Variants in CAPN2 observed in about 807,000 individuals in gnomAD.
CAPN2 encodes calpain-2 catalytic subunit.
In CAPN2, 92 loss-of-function variants were observed where a neutral mutation model predicts 102.3. That is an observed-to-expected ratio of 0.90 (90% CI 0.76 to 1.07). The LOEUF (loss-of-function observed/expected upper bound fraction) is 1.07, where lower values mean the gene tolerates loss of function less well. Among genes scored for constraint, CAPN2 ranks in the 50% least tolerant of loss-of-function variants. The pLI is 0.00. For missense variants in CAPN2, 800 were observed against 909.4 expected (o/e 0.88, Z 1.55); for synonymous variants, 340 against 355.4 (o/e 0.96, Z 0.49).
chr1:223,735,968 C>T (rs1036631484), intron 2 of CAPN2, among the ~76,000 whole-genome samples: 3 of 152,098 alleles, frequency 2.0e-5, no homozygotes, highest in East Asian at 3.9e-4. Flanking sequence ...TTAGTAGTGA[C>T]GGGGTTTCAC....
intron 2 of CAPN2, among the ~76,000 whole-genome samples, chr1:223,740,150 G>C (rs1328142749): frequency 2.0e-5 from 3 of 152,194 alleles, no homozygotes; most frequent in Admixed American, 6.5e-5. Context: ...CAGGCTTCTT[G>C]TTGGGAGGAA....
chr1:223,731,716 C>G lies in CAPN2; in HGVS notation c.308-12384C>G, dbSNP rs959425272. ...ACATGTCCTCCAGAGTTGACTTACG[C>G]GAGGACAGAGGTGTGCAGAGGCACG... On this transcript the variant is annotated intron_variant, in intron 2 of 20. Coordinates refer to ENST00000295006, the MANE Select transcript of CAPN2 (RefSeq NM_001748.5). The surrounding 1 kb of genome is among the most constrained non-coding windows in gnomAD (Gnocchi z 4.2). 6.6e-6 allele frequency among the ~76,000 whole-genome samples: 1 copy of G among 152,136 alleles called. No homozygotes were observed.
Position 223,757,475 on chromosome 1 carries a change from G to A in CAPN2, c.1317+95G>A, listed in dbSNP as rs1571812129. The A allele has an allele frequency of 2.9e-6, 4 of 1,403,392 alleles. No individual in the cohort carries two copies. The East Asian group carries it at 9.1e-5, about 32-fold the overall frequency. The allele number at this position is 1,403,392 out of a possible 1,614,324, so 86.9% of individuals were successfully genotyped here. On this transcript the variant is annotated intron_variant, in intron 11 of 20. Coordinates refer to ENST00000295006, the MANE Select transcript of CAPN2 (RefSeq NM_001748.5). ...AGGGAGCGTCGTGAAGCCCGGGCAG[G>A]GGCTGGTGGTCATGAAGGATGAGTC... is the stretch of plus-strand genomic sequence containing the variant.
chr1:223,772,439 A>G (rs1389630834), intron 20 of CAPN2, 200 bp downstream of exon 20: 1 of 548,976 alleles, frequency 1.8e-6, no homozygotes, highest in Non-Finnish European at 3.3e-6. Context: ...TCTCAAGTCC[A>G]AAATGCACGC....
chr1:223,721,996 G>C (rs1350338637), intron 2 of CAPN2, among the ~76,000 whole-genome samples: 1 of 152,168 alleles, frequency 6.6e-6, no homozygotes, highest in Non-Finnish European at 1.5e-5. Flanking sequence ...AAGAAAAAGA[G>C]GATGGTGGAG....
In CAPN2 at chr1:223,775,632, A is replaced by C. The variant is rs935030449; in HGVS notation, c.*775A>C. 1 of 152,644 alleles carries C rather than the reference A, an allele frequency of 6.6e-6. No homozygotes were observed. The highest frequency in any genetic ancestry group is 1.5e-5 in the Non-Finnish European group (1 of 68,038). 9.5% of individuals were successfully genotyped at this position (152,644 alleles called of 1,614,324 possible). Reference sequence around the variant, plus strand: ...TAAAGGACAAAATAAGCTGTTTGCCACCTCAAAACTTTATGAACTTCACCA... The same window carrying C: ...TAAAGGACAAAATAAGCTGTTTGCCCCCTCAAAACTTTATGAACTTCACCA... On this transcript the variant is annotated 3_prime_UTR_variant, in exon 21 of 21. Transcript: ENST00000295006.
At chr1:223,766,852 C>G (rs571238876) in intron 16 of CAPN2, among the ~76,000 whole-genome samples, 6 of 151,854 alleles carry the variant, frequency 4.0e-5, no homozygotes, top group African/African-American at 1.4e-4. Flanking sequence ...CCCAGCTACT[C>G]AGGAGGCTGA....
chr1:223,733,916 G>A (rs554841126), intron 2 of CAPN2, among the ~76,000 whole-genome samples: 26 of 152,332 alleles, frequency 1.7e-4, no homozygotes, highest in African/African-American at 5.3e-4. Context: ...CGTGGTAAAC[G>A]TTCCCTGAGA....
At chr1:223,770,010 G>A (rs1436077653) in intron 17 of CAPN2, 101 bp downstream of exon 17, 2 of 1,006,226 alleles carry the variant, frequency 2.0e-6, no homozygotes, top group Non-Finnish European at 3.1e-6. Context: ...ACATTTCCAA[G>A]GGGATTGGGA....
At chr1:223,732,906 A>G (rs1660368147) in intron 2 of CAPN2, among the ~76,000 whole-genome samples, 1 of 152,178 alleles carries the variant, frequency 6.6e-6, no homozygotes, top group African/African-American at 2.4e-5. Flanking sequence ...GCAGAGGTCA[A>G]GAAGCTCTGG....
At chr1:223,734,520 A>C (rs749839467) in intron 2 of CAPN2, among the ~76,000 whole-genome samples, 1 of 152,078 alleles carries the variant, frequency 6.6e-6, no homozygotes, top group Non-Finnish European at 1.5e-5. Flanking sequence ...GAGTTTCGGA[A>C]GGCTCAAGAC....
At position 223,749,111 on chromosome 1, in the gene CAPN2, G is replaced by T; in HGVS notation, c.802G>T (p.Gly268Ter). The T allele has an allele frequency of 6.2e-7, 1 of 1,613,922 alleles. No individual in the cohort carries two copies. The highest frequency in any genetic ancestry group is 8.5e-7 in the Non-Finnish European group (1 of 1,179,802). Reference protein sequence around the residue: ...LVKGHAYSVTGAEEVESNGSL... With the variant: ...LVKGHAYSVT ...GAAGGGGCACGCGTACTCGGTCACC[G>T]GAGCCGAGGAGGTAACGGCCGGCGC... is the stretch of plus-strand genomic sequence containing the variant. Residue 268 changes from glycine (G) to a stop codon, truncating the protein, a stop_gained, in exon 6 of 21, where the codon GGA (glycine) becomes TGA (stop). Coordinates refer to ENST00000295006, the MANE Select transcript of CAPN2 (RefSeq NM_001748.5). LOFTEE classifies it high-confidence loss of function.
upstream of CAPN2, among the ~76,000 whole-genome samples, chr1:223,708,276 T>G (rs1257210129): frequency 1.3e-5 from 2 of 151,972 alleles, no homozygotes; most frequent in East Asian, 3.9e-4. Flanking sequence ...TGCCCAGACT[T>G]GCAAACCAGA....
At chr1:223,706,942 T>C (rs889418996) in intron 1 of CAPN2, among the ~76,000 whole-genome samples, 2 of 151,968 alleles carry the variant, frequency 1.3e-5, no homozygotes, top group Non-Finnish European at 2.9e-5. Context: ...TAGCTGGGCA[T>C]GGCAGTGAGC....
Position 223,752,074 on chromosome 1 carries a change from A to G in CAPN2, c.974+3A>G, listed in dbSNP as rs756658649. 2 of 1,601,608 alleles carry G rather than the reference A, an allele frequency of 1.2e-6. No homozygotes were observed. The highest frequency in any genetic ancestry group is 1.7e-6 in the Non-Finnish European group (2 of 1,168,630). On this transcript the variant is annotated splice_donor_region_variant and intron_variant, in intron 8 of 20. Transcript: ENST00000295006. Reference sequence around the variant, plus strand: ...CGGCATGAAGATGGAGAATTCTGGTAAGATTAGTGGAGGCTTCAGGGAAAG... The same window carrying G: ...CGGCATGAAGATGGAGAATTCTGGTGAGATTAGTGGAGGCTTCAGGGAAAG...
At chr1:223,771,556 A>G (rs1428607708) in intron 18 of CAPN2, 1 of 443,774 alleles carries the variant, frequency 2.3e-6, no homozygotes, top group Non-Finnish European at 4.0e-6. Context: ...GACCATGAGA[A>G]CAGAAACAGG....
intron 5 of CAPN2, 52 bp downstream of exon 5, chr1:223,747,217 G>A (rs746350998): frequency 6.5e-7 from 1 of 1,536,060 alleles, no homozygotes; most frequent in South Asian, 1.3e-5. Flanking sequence ...TTGCTGAAGG[G>A]AGGCTCCCAC....
intron 2 of CAPN2, among the ~76,000 whole-genome samples, chr1:223,733,861 A>G (rs1267714195): frequency 1.3e-5 from 2 of 152,248 alleles, no homozygotes; most frequent in African/African-American, 2.4e-5. Context: ...TCTTTGAACA[A>G]ATGAGCAAAT....
chr1:223,755,567 T>C lies in CAPN2; in HGVS notation c.1223T>C (p.Leu408Pro). 2 of 1,613,976 alleles carry C rather than the reference T, an allele frequency of 1.2e-6. No individual in the cohort carries two copies. Among genetic ancestry groups the C allele is most frequent in the Non-Finnish European group, 1.7e-6 (2 of 1,179,956 alleles). The change falls in exon 10 of 21, where the codon CTG (leucine) becomes CCG (proline). Residue 408 changes from leucine to proline, a missense_variant. By Grantham distance (98) the Leu-to-Pro change is moderately conservative. Transcript: ENST00000295006. The surrounding 1 kb of genome is among the most constrained non-coding windows in gnomAD (Gnocchi z 4.1). ...EEDGESGCTF[L>P]VGLIQKHRRR... Reference sequence around the variant, plus strand: ...GATGGGGAGAGCGGCTGCACCTTCCTGGTGGGGCTCATTCAGAAGCACCGA... The same window carrying C: ...GATGGGGAGAGCGGCTGCACCTTCCCGGTGGGGCTCATTCAGAAGCACCGA...
Sources: gnomAD v4.1 joint callset for allele counts (sites outside exome capture counted in the v4.1 genomes callset) on GRCh38, gnomAD v4.1.1 for gene constraint, Gnocchi (gnomAD v3.1) non-coding constraint, MANE v1.5 for transcripts, NCBI Gene and HGNC (gene_info 2026-07-23, HGNC 2026-07-21) for gene names.